Variants in MIPOL1 observed in about 807,000 individuals in gnomAD.
The protein encoded by MIPOL1 is mirror-image polydactyly gene 1 protein.
Under a neutral mutation model 60.9 loss-of-function variants are expected in MIPOL1, and 57 were observed. The ratio of observed to expected loss-of-function variants is 0.94; its 90% confidence interval spans 0.76 to 1.17. The LOEUF is 1.17. Among genes scored for constraint, MIPOL1 ranks in the 50% most tolerant of loss-of-function variants. The probability of loss-of-function intolerance (pLI) is 0.00; values close to 1 mark genes in which losing one functional copy is unlikely to be tolerated. For synonymous variants in MIPOL1, 179 were observed against 168.8 expected (o/e 1.06, Z -0.47); for missense variants, 551 against 511.6 (o/e 1.08, Z -0.74).
chr14:37,523,092 T>A (rs896470993), intron 12 of MIPOL1, among the ~76,000 whole-genome samples: 1 of 152,122 alleles, frequency 6.6e-6, no homozygotes, highest in Non-Finnish European at 1.5e-5. Flanking sequence ...AGGAATCAGA[T>A]CAGTGCATCA....
At chr14:37,466,714 A>C (rs2094602918) in intron 11 of MIPOL1, among the ~76,000 whole-genome samples, 1 of 152,246 alleles carries the variant, frequency 6.6e-6, no homozygotes. Context: ...CAATGATTGC[A>C]CAAGCACAAC....
chr14:37,362,841 G>A (rs971636961), intron 9 of MIPOL1, among the ~76,000 whole-genome samples: 1 of 151,848 alleles, frequency 6.6e-6, no homozygotes. Flanking sequence ...TTCTCCCCTC[G>A]CTATATTTCA....
intron 6 of MIPOL1, among the ~76,000 whole-genome samples, chr14:37,270,989 A>C (rs2083264391): frequency 6.6e-6 from 1 of 152,086 alleles, no homozygotes; most frequent in Admixed American, 6.6e-5. Context: ...GCAATTAATA[A>C]GTTTTCATCT....
At chr14:37,319,285 C>T (rs148984257) in intron 9 of MIPOL1, among the ~76,000 whole-genome samples, 2 of 152,096 alleles carry the variant, frequency 1.3e-5, no homozygotes, top group Non-Finnish European at 2.9e-5. Context: ...ATGAAAAGGA[C>T]AGACCAAAGA....
chr14:37,410,168 A>G (rs2093657893), intron 10 of MIPOL1, among the ~76,000 whole-genome samples: 1 of 152,186 alleles, frequency 6.6e-6, no homozygotes, highest in Non-Finnish European at 1.5e-5. Context: ...TCAAATGAGC[A>G]ACAATTAGAC....
intron 11 of MIPOL1, among the ~76,000 whole-genome samples, chr14:37,442,088 T>TG (rs2094256020): frequency 7.0e-6 from 1 of 143,714 alleles, no homozygotes; most frequent in Non-Finnish European, 1.5e-5. Context: ...TTCTACTTTG[T>TG]TGTGTGTGTG....
intron 9 of MIPOL1, among the ~76,000 whole-genome samples, chr14:37,360,047 C>T (rs564975114): frequency 6.6e-5 from 10 of 152,174 alleles, no homozygotes; most frequent in East Asian, 1.9e-4. Flanking sequence ...TGAATTTTGT[C>T]GAAGGCCTTT....
intron 1 of MIPOL1, among the ~76,000 whole-genome samples, chr14:37,220,437 A>G (rs1170268085): frequency 1.3e-5 from 2 of 152,222 alleles, no homozygotes; most frequent in Non-Finnish European, 2.9e-5. Flanking sequence ...TTTAAGTTTA[A>G]TGTAAATTGA....
chr14:37,278,498 G>A (rs1476350859), intron 6 of MIPOL1: 1 of 151,418 alleles, frequency 6.6e-6, no homozygotes, highest in East Asian at 1.9e-4. Flanking sequence ...AGTAAAGTCT[G>A]GTCTTTTACA....
chr14:37,208,624 C>T (rs1966481231), intron 1 of MIPOL1, among the ~76,000 whole-genome samples: 1 of 152,140 alleles, frequency 6.6e-6, no homozygotes, highest in Non-Finnish European at 1.5e-5. Flanking sequence ...GACAGGGTCT[C>T]ACTATGTCAC....
chr14:37,294,094 A>G (rs2085373525), intron 7 of MIPOL1, among the ~76,000 whole-genome samples: 2 of 152,074 alleles, frequency 1.3e-5, no homozygotes, highest in South Asian at 2.1e-4. Context: ...ACGGCCGGGA[A>G]CTCCTCTGAG....
At chr14:37,212,985 T>C (rs1374084553) in intron 1 of MIPOL1, among the ~76,000 whole-genome samples, 1 of 152,188 alleles carries the variant, frequency 6.6e-6, no homozygotes. Flanking sequence ...GTTGTACCTA[T>C]GTGAGTCTGC....
At position 37,454,796 on chromosome 14, in the gene MIPOL1, C is replaced by G. The variant is rs150808758; in HGVS notation, c.1031+31847C>G. On this transcript the variant is annotated intron_variant, in intron 11 of 12. Coordinates refer to ENST00000684589, the MANE Select transcript of MIPOL1 (RefSeq NM_001388067.1). ...ACTAGGTAATAAATTTTACTTCTCT[C>G]GTTTTTCTCTCAGTACTGAGCACAT... Among the ~76,000 whole-genome samples the G allele has an allele frequency of 6.0e-3, 910 of 152,202 alleles. 5 individuals are homozygous for G. The highest frequency in any genetic ancestry group is 0.02 in the African/African-American group (815 of 41,534).
chr14:37,333,742 G>C (rs1291859367), intron 9 of MIPOL1, among the ~76,000 whole-genome samples: 1 of 151,980 alleles, frequency 6.6e-6, no homozygotes, highest in Non-Finnish European at 1.5e-5. Flanking sequence ...AAAACTGAGA[G>C]AACTAAGGGA....
chr14:37,289,232 C>G (rs188165586), intron 7 of MIPOL1, among the ~76,000 whole-genome samples: 109 of 152,308 alleles, frequency 7.2e-4, no homozygotes, highest in Admixed American at 6.8e-3. Flanking sequence ...AACACAGAAG[C>G]CTTTTTTGGC....
chr14:37,253,043 C>T (rs925231390), intron 3 of MIPOL1, among the ~76,000 whole-genome samples: 11 of 151,874 alleles, frequency 7.2e-5, no homozygotes, highest in African/African-American at 2.6e-4. Flanking sequence ...GATAACTAAT[C>T]ATTCTGTATT....
At chr14:37,241,563 C>T (rs1233577040) in intron 1 of MIPOL1, among the ~76,000 whole-genome samples, 11 of 16,474 alleles carry the variant, frequency 6.7e-4, no homozygotes, top group South Asian at 2.2e-3. Flanking sequence ...ATTACGGGTG[C>T]GGCAGGGTGT....
At chr14:37,442,326 G>C (rs1251402881) in intron 11 of MIPOL1, among the ~76,000 whole-genome samples, 1 of 151,990 alleles carries the variant, frequency 6.6e-6, no homozygotes, top group Non-Finnish European at 1.5e-5. Flanking sequence ...AAGAGAGATG[G>C]TTTGACTTCT....
At chr14:37,255,328 A>G (rs1294767221) in intron 3 of MIPOL1, among the ~76,000 whole-genome samples, 2 of 151,776 alleles carry the variant, frequency 1.3e-5, no homozygotes, top group Non-Finnish European at 2.9e-5. Flanking sequence ...ATGTAGACTG[A>G]ATTGAAGGCC....
Sources: gnomAD v4.1 joint callset for allele counts (sites outside exome capture counted in the v4.1 genomes callset) on GRCh38, gnomAD v4.1.1 for gene constraint, MANE v1.5 for transcripts, NCBI Gene and HGNC (gene_info 2026-07-23, HGNC 2026-07-21) for gene names.